The following PHF21A variants were observed in gnomAD, a reference collection of about 807,000 sequenced individuals.
PHF21A encodes the protein BHC80a.
In PHF21A, 11 loss-of-function variants were observed where a neutral mutation model predicts 82.5. The ratio of observed to expected loss-of-function variants is 0.13; its 90% CI spans 0.08 to 0.22. PHF21A has a LOEUF of 0.22. Ranked by LOEUF, PHF21A falls within the 10% of genes least tolerant of loss-of-function variation. PHF21A has a pLI of 1.00. For missense variants in PHF21A, 579 were observed against 837.8 expected (o/e 0.69, Z 3.81); for synonymous variants, 297 against 302.8 (o/e 0.98, Z 0.20).
At position 46,055,990 on chromosome 11, in the gene PHF21A, G is replaced by A. The variant is rs1396740186; in HGVS notation, c.153+20764C>T. ...GAGGTTCCTTAATGTACCTTTTATT[G>A]AAAGTCTTGAAATTTAAAATATTTT... On this transcript the variant is annotated intron_variant, in intron 6 of 18. Coordinates refer to ENST00000676320, the MANE Select transcript of PHF21A (RefSeq NM_001352027.3). Among the ~76,000 whole-genome samples the A allele has an allele frequency of 2.6e-5, 4 of 152,074 alleles. No individual in the cohort carries two copies. In the East Asian group the frequency reaches 7.7e-4, roughly 29 times the overall value.
intron 7 of PHF21A, among the ~76,000 whole-genome samples, chr11:45,974,703 T>A (rs2093944979): frequency 6.6e-6 from 1 of 152,152 alleles, no homozygotes; most frequent in African/African-American, 2.4e-5. Context: ...TCCTCCCACA[T>A]CGGCCTCCCA....
intron 6 of PHF21A, among the ~76,000 whole-genome samples, chr11:45,997,461 TAA>T (rs2094947305): frequency 6.6e-6 from 1 of 152,184 alleles, no homozygotes; most frequent in South Asian, 2.1e-4. Flanking sequence ...TACAGTTGAA[TAA>T]CTGTATGCCA....
chr11:45,986,084 A>AACACACACAC (rs60179976), intron 6 of PHF21A, among the ~76,000 whole-genome samples: 45 of 132,280 alleles, frequency 3.4e-4, no homozygotes, highest in Admixed American at 7.8e-4. Flanking sequence ...CTTCCTTCAA[A>AACACACACAC]ACACACACAC....
At chr11:45,983,124 A>G (rs991956988) in intron 6 of PHF21A, among the ~76,000 whole-genome samples, 4 of 152,202 alleles carry the variant, frequency 2.6e-5, no homozygotes, top group African/African-American at 9.7e-5. Context: ...CCATATGGCT[A>G]GAGCAAGGTG....
chr11:46,071,795 T>C (rs923252755), intron 6 of PHF21A, among the ~76,000 whole-genome samples: 1 of 151,658 alleles, frequency 6.6e-6, no homozygotes, highest in Non-Finnish European at 1.5e-5. Flanking sequence ...AATCATGATA[T>C]AGCCAATTAT....
chr11:46,105,188 T>C (rs1472678314), intron 1 of PHF21A, among the ~76,000 whole-genome samples: 1 of 152,206 alleles, frequency 6.6e-6, no homozygotes, highest in Non-Finnish European at 1.5e-5. Flanking sequence ...TCTGGGCCCA[T>C]GCAAAGTGGC....
chr11:46,019,057 T>G (rs946139593), intron 6 of PHF21A, among the ~76,000 whole-genome samples: 1 of 151,990 alleles, frequency 6.6e-6, no homozygotes, highest in African/African-American at 2.4e-5. Context: ...AAAATAAGCC[T>G]TTCTCATTCT....
intron 11 of PHF21A, among the ~76,000 whole-genome samples, chr11:45,952,238 C>T (rs1446502297): frequency 6.6e-6 from 1 of 152,170 alleles, no homozygotes; most frequent in African/African-American, 2.4e-5. Flanking sequence ...TATGCTACTA[C>T]ACATGATGGT....
intron 18 of PHF21A, 82 bp downstream of exon 18, chr11:45,935,554 C>T (rs754200680): frequency 1.2e-6 from 1 of 811,106 alleles, no homozygotes; most frequent in Non-Finnish European, 2.1e-6. Flanking sequence ...AGCCTGGGGC[C>T]CACACGTACT....
intron 1 of PHF21A, among the ~76,000 whole-genome samples, chr11:46,114,167 C>G (rs1411873783): frequency 6.6e-6 from 1 of 152,056 alleles, no homozygotes; most frequent in Non-Finnish European, 1.5e-5. Context: ...ATTCCAACTA[C>G]AAGCCCACTT....
At chr11:45,984,216 A>AG (rs1436813735) in intron 6 of PHF21A, among the ~76,000 whole-genome samples, 2 of 152,194 alleles carry the variant, frequency 1.3e-5, no homozygotes, top group African/African-American at 2.4e-5. Context: ...GGAGAGAGGG[A>AG]GAAAAAATTA....
intron 6 of PHF21A, among the ~76,000 whole-genome samples, chr11:46,032,084 A>G (rs1308770719): frequency 6.6e-6 from 1 of 152,130 alleles, no homozygotes; most frequent in East Asian, 1.9e-4. Context: ...AATCCCTACA[A>G]ATTTCTCAAA....
chr11:45,999,490 C>G (rs1488375338), intron 6 of PHF21A, among the ~76,000 whole-genome samples: 1 of 152,116 alleles, frequency 6.6e-6, no homozygotes, highest in Non-Finnish European at 1.5e-5. Flanking sequence ...GAAGACTGTT[C>G]CTTGAGACTA....
At chr11:45,963,434 A>AG (rs1273815822) in intron 10 of PHF21A, among the ~76,000 whole-genome samples, 1 of 151,576 alleles carries the variant, frequency 6.6e-6, no homozygotes, top group South Asian at 2.1e-4. Flanking sequence ...AAAAAAAAAA[A>AG]AAAAGAAAAG....
At chr11:45,968,958 T>C (rs181820915) in intron 9 of PHF21A, among the ~76,000 whole-genome samples, 9 of 118,978 alleles carry the variant, frequency 7.6e-5, no homozygotes, top group African/African-American at 2.7e-4. Flanking sequence ...AAAAAAAAAA[T>C]AGGCAGGTAT....
intron 6 of PHF21A, among the ~76,000 whole-genome samples, chr11:46,002,980 AC>A (rs1219550759): frequency 4.6e-5 from 7 of 152,326 alleles, no homozygotes; most frequent in Middle Eastern, 3.4e-3. Flanking sequence ...AATATCTGCT[AC>A]AGAAATTTTT....
chr11:46,006,786 C>A (rs1250911656), intron 6 of PHF21A, among the ~76,000 whole-genome samples: 1 of 152,160 alleles, frequency 6.6e-6, no homozygotes, highest in Non-Finnish European at 1.5e-5. Flanking sequence ...AAAAATGGCA[C>A]AAAAATATTT....
intron 4 of PHF21A, among the ~76,000 whole-genome samples, 192 bp from the exon 5 acceptor site, chr11:46,079,358 AACC>A (rs2096763017): frequency 6.6e-6 from 1 of 152,216 alleles, no homozygotes; most frequent in Non-Finnish European, 1.5e-5. Context: ...AAAAAAATCA[AACC>A]ACCACTTTAT....
Position 46,092,759 on chromosome 11 carries a change from C to CTTTT in PHF21A, c.-236-540_-236-537dup, listed in dbSNP as rs10681499. Among the ~76,000 whole-genome samples, 147 of 135,626 alleles carry CTTTT rather than the reference C, an allele frequency of 1.1e-3. 4 individuals carry two copies. Among genetic ancestry groups the CTTTT allele is most frequent in the African/African-American group, 3.7e-3 (136 of 36,606 alleles). The allele number at this position is 135,626 out of a possible 152,430, so 89.0% of individuals were successfully genotyped here. A position where few individuals can be genotyped will look rare whatever the true frequency, so the allele number is the denominator to read the frequency against. On this transcript the variant is annotated intron_variant, in intron 1 of 18. Coordinates refer to ENST00000676320, the MANE Select transcript of PHF21A (RefSeq NM_001352027.3). ...TTTCACATTCTTAGATGTGTCTCAC[C>CTTTT]TTTTTTTTTTTTTTTTGAAACAATG...
Sources: allele counts gnomAD v4.1 joint callset (sites outside exome capture counted in the v4.1 genomes callset), GRCh38; gene constraint gnomAD v4.1.1; transcripts MANE v1.5; gene names NCBI Gene and HGNC (gene_info 2026-07-23, HGNC 2026-07-21).